The following MCTP1 variants were observed in gnomAD, a reference collection of about 807,000 sequenced individuals.
The protein encoded by MCTP1 is multiple C2 and transmembrane domain-containing protein 1.
MCTP1 carries 69 observed loss-of-function variants against 120.6 expected under a neutral mutation model. The observed-to-expected ratio is 0.57, with a 90% CI of 0.47 to 0.70. MCTP1 has a LOEUF of 0.70. MCTP1 is among the 30% of genes least tolerant of loss of function. MCTP1 has a pLI of 0.00. For missense variants in MCTP1, 1,203 were observed against 1,248.8 expected, an observed-to-expected ratio of 0.96 and a Z score of 0.55; for synonymous variants, 529 against 493.1, an observed-to-expected ratio of 1.07 and a Z score of -0.96.
intron 18 of MCTP1, among the ~76,000 whole-genome samples, chr5:94,796,651 ATATATATT>A (rs1369226720): frequency 6.4e-4 from 9 of 13,990 alleles, no homozygotes; most frequent in Admixed American, 1.4e-3. Context: ...AATATATATT[ATATATATT>A]ATATATATAT....
In MCTP1 at chr5:94,937,490, T is replaced by C. The variant is rs78815075; in HGVS notation, c.1173+2594A>G. 6.6e-3 allele frequency among the ~76,000 whole-genome samples: 998 copies of C among 152,198 alleles called. 4 individuals are homozygous for C. The highest frequency in any genetic ancestry group is 0.012 in the Non-Finnish European group (829 of 67,976). The stretch of plus-strand genomic sequence containing the variant: ...TATTTTTGATGTATAACTGCTTTCA[T>C]GTAACCCACCTACTTTCTTCTTTAT... On this transcript the variant is annotated intron_variant, in intron 5 of 22. Coordinates refer to ENST00000515393, the MANE Select transcript of MCTP1 (RefSeq NM_024717.7).
At chr5:95,204,136 T>A (rs1751368514) in intron 1 of MCTP1, among the ~76,000 whole-genome samples, 1 of 152,182 alleles carries the variant, frequency 6.6e-6, no homozygotes, top group Admixed American at 6.5e-5. Flanking sequence ...TTTTCCAAAT[T>A]GAGAAAGCCT....
intron 3 of MCTP1, among the ~76,000 whole-genome samples, chr5:94,948,707 T>C (rs1214263372): frequency 6.6e-6 from 1 of 152,138 alleles, no homozygotes; most frequent in Non-Finnish European, 1.5e-5. Context: ...GTTTTAAAAA[T>C]ACAGAAGCTT....
intron 13 of MCTP1, among the ~76,000 whole-genome samples, chr5:94,872,524 C>A (rs1333650951): frequency 6.6e-6 from 1 of 151,922 alleles, no homozygotes; most frequent in African/African-American, 2.4e-5. Context: ...GAGAATTTTC[C>A]TTTGTTCAGA....
intron 7 of MCTP1, among the ~76,000 whole-genome samples, chr5:94,918,308 A>C (rs1297508964): frequency 6.6e-6 from 1 of 152,230 alleles, no homozygotes; most frequent in Non-Finnish European, 1.5e-5. Flanking sequence ...AAGAGAAATC[A>C]TGGAAAGAAT....
At chr5:94,974,729 A>C (rs1433556434) in intron 2 of MCTP1, among the ~76,000 whole-genome samples, 1 of 152,124 alleles carries the variant, frequency 6.6e-6, no homozygotes, top group East Asian at 1.9e-4. Context: ...TATGCATGAA[A>C]AAAATGATTA....
At chr5:95,119,822 A>C (rs1758071461) in intron 1 of MCTP1, among the ~76,000 whole-genome samples, 1 of 152,220 alleles carries the variant, frequency 6.6e-6, no homozygotes, top group Admixed American at 6.5e-5. Context: ...AACCATGAAG[A>C]AATCCAAAAT....
At chr5:94,982,049 T>C (rs1472773154) in intron 2 of MCTP1, among the ~76,000 whole-genome samples, 1 of 152,160 alleles carries the variant, frequency 6.6e-6, no homozygotes, top group African/African-American at 2.4e-5. Flanking sequence ...GGGCCAATCA[T>C]AAAAGGGCAA....
chr5:94,870,300 G>T, intron 16 of MCTP1, 117 bp downstream of exon 16: 2 of 613,244 alleles, frequency 3.3e-6, no homozygotes, highest in Non-Finnish European at 5.7e-6. Flanking sequence ...ATAAGTAGAT[G>T]ATCAAAAATT....
chr5:95,188,507 C>A (rs1188107519), intron 1 of MCTP1, among the ~76,000 whole-genome samples: 1 of 152,150 alleles, frequency 6.6e-6, no homozygotes, highest in East Asian at 1.9e-4. Flanking sequence ...AAACAACCTT[C>A]GATGGGAAGG....
chr5:94,826,874 G>C (rs1482969926), intron 17 of MCTP1, among the ~76,000 whole-genome samples: 1 of 131,346 alleles, frequency 7.6e-6, no homozygotes, highest in Admixed American at 8.9e-5. Flanking sequence ...CTTTGCTTTT[G>C]AGATAAGTCT....
rs545467375 is a variant in MCTP1, at chr5:94,982,233, T to C, written c.839-28872A>G. Among the ~76,000 whole-genome samples, 178 of 152,332 alleles carry C rather than the reference T, an allele frequency of 1.2e-3. 1 individual carries two copies. Among genetic ancestry groups the C allele is most frequent in the African/African-American group, 4.2e-3 (173 of 41,574 alleles). On this transcript the variant is annotated intron_variant, in intron 2 of 22. Transcript: ENST00000515393. ...ATCCTTTAAAATTTAGATTTTAAGTTATATACAATATAATCAAATATAAAA... is the reference window on the plus strand; with the variant it reads ...ATCCTTTAAAATTTAGATTTTAAGTCATATACAATATAATCAAATATAAAA...
chr5:95,066,756 A>G (rs544420096), intron 1 of MCTP1, among the ~76,000 whole-genome samples: 2 of 152,314 alleles, frequency 1.3e-5, no homozygotes, highest in East Asian at 3.9e-4. Context: ...AAAAACAAAT[A>G]TTGCATGATC....
intron 17 of MCTP1, among the ~76,000 whole-genome samples, chr5:94,807,471 A>T (rs1208584966): frequency 6.6e-6 from 1 of 152,214 alleles, no homozygotes; most frequent in Non-Finnish European, 1.5e-5. Flanking sequence ...GCAAAGAGGT[A>T]AAATTTCTGA....
intron 1 of MCTP1, among the ~76,000 whole-genome samples, chr5:95,115,334 C>G (rs1241416652): frequency 2.0e-5 from 3 of 151,958 alleles, no homozygotes; most frequent in Admixed American, 1.3e-4. Context: ...ACCTTTCAGA[C>G]AGAGAATCAA....
At chr5:95,210,718 T>C (rs917697680) in intron 1 of MCTP1, among the ~76,000 whole-genome samples, 1 of 152,118 alleles carries the variant, frequency 6.6e-6, no homozygotes, top group Non-Finnish European at 1.5e-5. Context: ...CCTGTCATTA[T>C]GATGTTAGCT....
chr5:94,943,784 G>GA (rs147576702), intron 3 of MCTP1, among the ~76,000 whole-genome samples: 6,122 of 146,824 alleles, frequency 0.042, 275 homozygotes, highest in African/African-American at 0.12. Flanking sequence ...GTTTACGATG[G>GA]AAAAAAAAAA....
chr5:94,957,609 T>A (rs539127674), intron 2 of MCTP1, among the ~76,000 whole-genome samples: 100 of 144,360 alleles, frequency 6.9e-4, no homozygotes, highest in Non-Finnish European at 1.3e-3. Flanking sequence ...AAAGCAGGGG[T>A]TGCAATCCTA....
intron 18 of MCTP1, chr5:94,793,579 G>A (rs1779415080): frequency 6.6e-6 from 1 of 152,184 alleles, no homozygotes; most frequent in African/African-American, 2.4e-5. Flanking sequence ...GGAAACTTGT[G>A]GTCTATGCTG....
Sources: allele counts gnomAD v4.1 joint callset (sites outside exome capture counted in the v4.1 genomes callset), GRCh38; gene constraint gnomAD v4.1.1; transcripts MANE v1.5; gene names NCBI Gene and HGNC (gene_info 2026-07-23, HGNC 2026-07-21).